SLC8A1: variants seen among roughly 807,000 people sequenced by gnomAD.
SLC8A1 encodes the protein solute carrier family 8 member A1.
A neutral mutation model predicts 68.3 loss-of-function variants in SLC8A1; 18 were observed. The observed-to-expected ratio is 0.26, with a 90% CI of 0.18 to 0.39. The LOEUF is 0.39. SLC8A1 is among the 10% of genes least tolerant of loss of function. The probability of loss-of-function intolerance (pLI) is 1.00; values close to 1 mark genes in which losing one functional copy is unlikely to be tolerated. For missense variants in SLC8A1, 985 were observed against 1,156.7 expected (o/e 0.85, Z 2.15); for synonymous variants, 475 against 415.5 (o/e 1.14, Z -1.74).
intron 2 of SLC8A1, among the ~76,000 whole-genome samples, chr2:40,395,561 G>A (rs1156976996): frequency 6.6e-6 from 1 of 152,048 alleles, no homozygotes; most frequent in Non-Finnish European, 1.5e-5. Flanking sequence ...TTGGATGAGA[G>A]CATTTAAGTC....
chr2:40,104,987 C>G (rs2034108152), exon 8 of SLC8A1: 1 of 152,072 alleles, frequency 6.6e-6, no homozygotes, highest in African/African-American at 2.4e-5. Context: ...AATATAGAGA[C>G]AATCAGAATG....
chr2:40,178,570 A>G (rs1004786982), intron 2 of SLC8A1, 77 bp from the exon 3 acceptor site: 1 of 1,232,442 alleles, frequency 8.1e-7, no homozygotes, highest in African/African-American at 1.5e-5. Context: ...GAGGAAAGCA[A>G]GGTTAACCAG....
intron 6 of SLC8A1, among the ~76,000 whole-genome samples, chr2:40,158,128 G>C (rs898991283): frequency 3.9e-5 from 6 of 152,146 alleles, no homozygotes; most frequent in African/African-American, 1.4e-4. Context: ...CCTCTCAGTA[G>C]AGCCCTTTAA....
chr2:40,435,591 T>C (rs1257087479), intron 1 of SLC8A1, among the ~76,000 whole-genome samples: 1 of 152,094 alleles, frequency 6.6e-6, no homozygotes, highest in Non-Finnish European at 1.5e-5. Context: ...GTCAGGCCCC[T>C]GCCTTATGAC....
chr2:40,429,938 T>G (rs760596141), exon 2 of SLC8A1: 21 of 1,613,514 alleles, frequency 1.3e-5, no homozygotes, highest in Non-Finnish European at 1.8e-5. Context: ...GGTTTCTTTA[T>G]GGTTATTTCT....
intron 2 of SLC8A1, among the ~76,000 whole-genome samples, chr2:40,219,154 G>T (rs1244663264): frequency 6.6e-6 from 1 of 152,202 alleles, no homozygotes; most frequent in Non-Finnish European, 1.5e-5. Flanking sequence ...CTTTCAATTG[G>T]GATGCTGGAG....
chr2:40,273,065 C>T (rs540609086), intron 2 of SLC8A1, among the ~76,000 whole-genome samples: 4 of 152,278 alleles, frequency 2.6e-5, no homozygotes, highest in African/African-American at 9.6e-5. Context: ...GCCTCAGCCT[C>T]CTGAGTAGCT....
At chr2:40,339,033 T>C (rs1666893398) in intron 2 of SLC8A1, among the ~76,000 whole-genome samples, 1 of 152,184 alleles carries the variant, frequency 6.6e-6, no homozygotes, top group Non-Finnish European at 1.5e-5. Flanking sequence ...ATTGTGTCAA[T>C]AAAAATAAGA....
At chr2:40,454,791 A>G (rs1702905211), upstream of SLC8A1, among the ~76,000 whole-genome samples, 1 of 152,144 alleles carries the variant, frequency 6.6e-6, no homozygotes, top group Middle Eastern at 3.2e-3. Flanking sequence ...TCCCTCCTAA[A>G]TGTCATACAT....
intron 6 of SLC8A1, among the ~76,000 whole-genome samples, chr2:40,146,510 T>C (rs979878179): frequency 2.6e-5 from 4 of 152,158 alleles, no homozygotes; most frequent in Non-Finnish European, 4.4e-5. Flanking sequence ...TTTGGGATGA[T>C]TCAAGCACAT....
chr2:40,261,693 G>A (rs2064723403), intron 2 of SLC8A1, among the ~76,000 whole-genome samples: 2 of 151,230 alleles, frequency 1.3e-5, no homozygotes, highest in African/African-American at 4.9e-5. Context: ...GCATACAGGT[G>A]TGAATGAATT....
chr2:40,220,149 T>C (rs1282393361), intron 2 of SLC8A1: 3 of 9,412 alleles, frequency 3.2e-4, no homozygotes, highest in African/African-American at 1.1e-3. Context: ...CAAAATAGGC[T>C]TTTTTTTTTT....
At chr2:40,330,010 G>C (rs1243660265) in intron 2 of SLC8A1, among the ~76,000 whole-genome samples, 1 of 152,178 alleles carries the variant, frequency 6.6e-6, no homozygotes, top group Non-Finnish European at 1.5e-5. Flanking sequence ...TGAAACTTCA[G>C]AAGCATAAAC....
chr2:40,429,006 C>T, exon 2 of SLC8A1: 1 of 1,613,640 alleles, frequency 6.2e-7, no homozygotes, highest in Non-Finnish European at 8.5e-7. Context: ...TGGTAAGGGC[C>T]ACAGTACCAC....
At chr2:40,344,096 A>G (rs569515945) in intron 2 of SLC8A1, among the ~76,000 whole-genome samples, 1 of 152,316 alleles carries the variant, frequency 6.6e-6, no homozygotes, top group South Asian at 2.1e-4. Flanking sequence ...GAAAGCTTCC[A>G]GGGAAAATAA....
intron 1 of SLC8A1, among the ~76,000 whole-genome samples, chr2:40,506,385 T>C (rs1433275099): frequency 6.6e-6 from 1 of 151,942 alleles, no homozygotes; most frequent in Non-Finnish European, 1.5e-5. Flanking sequence ...ATCTATTTAG[T>C]CTGTGTTCCC....
intron 1 of SLC8A1, among the ~76,000 whole-genome samples, chr2:40,494,383 T>G (rs934627675): frequency 1.3e-5 from 2 of 151,972 alleles, no homozygotes; most frequent in African/African-American, 4.8e-5. Context: ...TGTGCCACAT[T>G]TTCTTAATCC....
intron 1 of SLC8A1, among the ~76,000 whole-genome samples, chr2:40,488,125 A>G (rs1416209413): frequency 6.6e-6 from 1 of 152,072 alleles, no homozygotes; most frequent in Admixed American, 6.6e-5. Context: ...GGATAGACAG[A>G]ATACTAAAAG....
chr2:40,443,025 G>A lies in SLC8A1; in HGVS notation c.-25+8879C>T, dbSNP rs552398559. Among the ~76,000 whole-genome samples the A allele has an allele frequency of 5.6e-5, 8 of 143,288 alleles. No individual in the cohort carries two copies. In the South Asian group the frequency reaches 1.0e-3, roughly 18 times the overall value. The allele number at this position is 143,288 out of a possible 152,430, so 94.0% of individuals were successfully genotyped here. Reference sequence around the variant, plus strand: ...AGGAACAGAAAACCAAACACCACACGTTCTCACTCATAAGTAGGAGTTGAA... The same window carrying A: ...AGGAACAGAAAACCAAACACCACACATTCTCACTCATAAGTAGGAGTTGAA... On this transcript the variant is annotated intron_variant, in intron 1 of 7. Transcript: ENST00000406785.
Sources: gnomAD v4.1 joint callset for allele counts (sites outside exome capture counted in the v4.1 genomes callset) on GRCh38, gnomAD v4.1.1 for gene constraint, MANE v1.5 for transcripts, NCBI Gene and HGNC (gene_info 2026-07-23, HGNC 2026-07-21) for gene names.